The following GUCY1A1 variants were observed in gnomAD, a reference collection of about 807,000 sequenced individuals.
The protein encoded by GUCY1A1 is guanylate cyclase soluble subunit alpha-1.
Under a neutral mutation model 64.5 loss-of-function variants are expected in GUCY1A1, and 48 were observed. That is an observed-to-expected ratio of 0.74 (90% CI 0.59 to 0.95). The LOEUF is 0.95. Ranked by LOEUF, GUCY1A1 falls within the 40% of genes least tolerant of loss-of-function variation. GUCY1A1 has a pLI of 0.00. For synonymous variants in GUCY1A1, 308 were observed against 303.4 expected, an observed-to-expected ratio of 1.02 and a Z score of -0.16; for missense variants, 804 against 825.3, an observed-to-expected ratio of 0.97 and a Z score of 0.32.
chr4:155,711,012 T>C lies in GUCY1A1; in HGVS notation c.847T>C (p.Cys283Arg), dbSNP rs777130070. The C allele has an allele frequency of 1.7e-5, 27 of 1,614,074 alleles. No individual in the cohort carries two copies. The Admixed American group carries it at 4.5e-4, about 27-fold the overall frequency. Residue 283 changes from cysteine to arginine, a missense_variant, in exon 6 of 10, where the codon TGC (cysteine) becomes CGC (arginine). Coordinates refer to ENST00000506455, the MANE Select transcript of GUCY1A1 (RefSeq NM_001130682.3). ...SSLVIPTSLF[C>R]KTFPFHFMFD... is the part of the protein sequence containing the mutation. ...GCTGGTGATTCCCACATCGCTATTC[T>C]GCAAGACATTTCCATTCCATTTCAT...
intron 2 of GUCY1A1, among the ~76,000 whole-genome samples, chr4:155,671,873 G>T (rs923525425): frequency 4.0e-5 from 6 of 151,818 alleles, no homozygotes. Context: ...TTGTTACCAG[G>T]GCTTTTCTCT....
chr4:155,684,457 G>T (rs1480506959), intron 2 of GUCY1A1, among the ~76,000 whole-genome samples: 1 of 152,126 alleles, frequency 6.6e-6, no homozygotes, highest in Non-Finnish European at 1.5e-5. Context: ...TATGACAAAA[G>T]TTCATTTCCT....
intron 9 of GUCY1A1, among the ~76,000 whole-genome samples, chr4:155,728,210 G>A: frequency 6.6e-6 from 1 of 151,990 alleles, no homozygotes; most frequent in South Asian, 2.1e-4. Context: ...CTAATGGAGT[G>A]GTTTGCTGGT....
intron 2 of GUCY1A1, among the ~76,000 whole-genome samples, chr4:155,681,674 T>C (rs1735795240): frequency 1.3e-5 from 2 of 152,200 alleles, no homozygotes; most frequent in Admixed American, 6.5e-5. Context: ...GCTGCTTCTC[T>C]GTCATAGTCA....
rs954184954 is a variant in GUCY1A1, at chr4:155,735,263, C to A, written c.*5032C>A. 6.6e-6 allele frequency: 1 copy of A among 151,686 alleles called. No individual in the cohort carries two copies. Among genetic ancestry groups the A allele is most frequent in the South Asian group, 2.1e-4 (1 of 4,818 alleles). 9.4% of individuals were successfully genotyped at this position (151,686 alleles called of 1,614,324 possible). A position where few individuals can be genotyped will look rare whatever the true frequency, so the allele number is the denominator to read the frequency against. The stretch of plus-strand genomic sequence containing the variant: ...ATTTATTTTCATATATAGTATCTGC[C>A]AAAATAGTAGCAAAAGTTTTATCAA... On this transcript the variant is annotated 3_prime_UTR_variant, in exon 10 of 10. Transcript: ENST00000506455.
chr4:155,711,349 GATAAAACATAT>G, intron 6 of GUCY1A1, 98 bp downstream of exon 6: 1 of 624,188 alleles, frequency 1.6e-6, no homozygotes, highest in Non-Finnish European at 2.8e-6. Context: ...TCAAATGTTT[GATAAAACATAT>G]GTAAAACAAT....
chr4:155,677,605 C>G (rs1735136510), intron 2 of GUCY1A1, among the ~76,000 whole-genome samples: 1 of 152,148 alleles, frequency 6.6e-6, no homozygotes, highest in Non-Finnish European at 1.5e-5. Flanking sequence ...AATCCCAGCA[C>G]TTTGGGAGGC....
At chr4:155,669,911 G>A (rs920683408) in intron 2 of GUCY1A1, among the ~76,000 whole-genome samples, 1 of 152,184 alleles carries the variant, frequency 6.6e-6, no homozygotes, top group Non-Finnish European at 1.5e-5. Context: ...AAAATAACAC[G>A]ATCTGCACCC....
intron 2 of GUCY1A1, among the ~76,000 whole-genome samples, chr4:155,690,691 G>A (rs1008571755): frequency 5.3e-5 from 8 of 152,156 alleles, no homozygotes; most frequent in African/African-American, 1.9e-4. Context: ...GCCTGACGCA[G>A]CTCAGATGTT....
At chr4:155,699,543 G>A (rs1002310720) in intron 3 of GUCY1A1, among the ~76,000 whole-genome samples, 8 of 152,060 alleles carry the variant, frequency 5.3e-5, no homozygotes, top group African/African-American at 1.9e-4. Flanking sequence ...GATGGAAGAG[G>A]TATGTTTGGC....
intron 8 of GUCY1A1, among the ~76,000 whole-genome samples, chr4:155,717,509 C>T (rs1209740227): frequency 6.6e-6 from 1 of 152,092 alleles, no homozygotes; most frequent in African/African-American, 2.4e-5. Flanking sequence ...ATTGAGAGGA[C>T]AGAAGAACCC....
Position 155,710,596 on chromosome 4 carries a change from G to T in GUCY1A1, c.431G>T (p.Cys144Phe). 2 of 1,613,038 alleles carry T rather than the reference G, an allele frequency of 1.2e-6. No homozygotes were observed. Among genetic ancestry groups the T allele is most frequent in the Non-Finnish European group, 1.7e-6 (2 of 1,179,510 alleles). The change falls in exon 6 of 10, where the codon TGT (cysteine) becomes TTT (phenylalanine). Residue 144 changes from cysteine to phenylalanine, a missense_variant. Coordinates refer to ENST00000506455, the MANE Select transcript of GUCY1A1 (RefSeq NM_001130682.3). ...ESLGEEVFKI[C>F]YEEDENILGV... is the part of the protein sequence containing the mutation. ...CTTGGTGAAGAGGTTTTTAAAATATGTTACGAGGAAGATGAAAACATCCTT... is the reference window on the plus strand; with the variant it reads ...CTTGGTGAAGAGGTTTTTAAAATATTTTACGAGGAAGATGAAAACATCCTT...
intron 7 of GUCY1A1, among the ~76,000 whole-genome samples, 181 bp from the exon 8 acceptor site, chr4:155,716,978 G>A (rs1298942876): frequency 6.6e-6 from 1 of 152,100 alleles, no homozygotes. Context: ...AATGTAATGG[G>A]TCTAAACCTT....
chr4:155,733,509 T>C lies in GUCY1A1; in HGVS notation c.*3278T>C, dbSNP rs1216632515. On this transcript the variant is annotated 3_prime_UTR_variant, in exon 10 of 10. Coordinates refer to ENST00000506455, the MANE Select transcript of GUCY1A1 (RefSeq NM_001130682.3). The stretch of plus-strand genomic sequence containing the variant: ...GGTGTGCCATGATAGTTATTCATAT[T>C]GCTATTGTAATATTAATATATAGTA... Among the ~76,000 whole-genome samples the C allele has an allele frequency of 6.6e-6, 1 of 151,754 alleles. No individual in the cohort carries two copies. The highest frequency in any genetic ancestry group is 2.4e-5 in the African/African-American group (1 of 41,358).
Position 155,730,090 on chromosome 4 carries a change from A to T in GUCY1A1, c.1932A>T (p.Pro644=). ...CTCGATCAAGGGAGGAACTTCCACCAAACTTCCCTAGTGAAATCCCCGGAA... is the reference window on the plus strand; with the variant it reads ...CTCGATCAAGGGAGGAACTTCCACCTAACTTCCCTAGTGAAATCCCCGGAA... ...FTPRSREELP[P]NFPSEIPGIC... Residue 644 remains proline (P), a synonymous_variant, in exon 10 of 10, where the codon CCA becomes CCT. Coordinates refer to ENST00000506455, the MANE Select transcript of GUCY1A1 (RefSeq NM_001130682.3). 6.2e-7 allele frequency: 1 copy of T among 1,611,220 alleles called. No individual in the cohort carries two copies. The highest frequency in any genetic ancestry group is 8.5e-7 in the Non-Finnish European group (1 of 1,177,856).
intron 2 of GUCY1A1, among the ~76,000 whole-genome samples, chr4:155,688,812 A>T (rs1449178883): frequency 6.6e-6 from 1 of 152,092 alleles, no homozygotes; most frequent in Non-Finnish European, 1.5e-5. Context: ...ACAAAACAAA[A>T]TCCCCAAAAT....
chr4:155,723,820 G>A (rs183076408), intron 9 of GUCY1A1, among the ~76,000 whole-genome samples: 91 of 151,984 alleles, frequency 6.0e-4, no homozygotes, highest in Non-Finnish European at 1.1e-3. Context: ...CCGCCTCCAC[G>A]TCTGGCTAAT....
At chr4:155,683,644 A>C (rs941692053) in intron 2 of GUCY1A1, among the ~76,000 whole-genome samples, 2 of 152,222 alleles carry the variant, frequency 1.3e-5, no homozygotes, top group East Asian at 3.9e-4. Context: ...GAAAGTGCAA[A>C]AGAAGATGAG....
intron 2 of GUCY1A1, among the ~76,000 whole-genome samples, chr4:155,680,051 G>C (rs1434608591): frequency 6.6e-6 from 1 of 152,126 alleles, no homozygotes; most frequent in African/African-American, 2.4e-5. Context: ...TGTCATCAAT[G>C]AAATCTTAGC....
Sources: gnomAD v4.1 joint callset for allele counts (sites outside exome capture counted in the v4.1 genomes callset) on GRCh38, gnomAD v4.1.1 for gene constraint, MANE v1.5 for transcripts, NCBI Gene and HGNC (gene_info 2026-07-23, HGNC 2026-07-21) for gene names.